Variants in DNAH7 observed in about 807,000 individuals in gnomAD.
DNAH7 encodes dynein axonemal heavy chain 7, also known as axonemal beta dynein heavy chain 7.
A neutral mutation model predicts 444.6 loss-of-function variants in DNAH7; 397 were observed. That is an observed-to-expected ratio of 0.89 (90% CI 0.82 to 0.97). The LOEUF (loss-of-function observed/expected upper bound fraction) is 0.97. Ranked by LOEUF, DNAH7 falls within the 50% of genes least tolerant of loss-of-function variation. The pLI, the probability that DNAH7 is intolerant of heterozygous loss-of-function variation, is 0.00. For missense variants in DNAH7, 4,902 were observed against 4,800.8 expected (o/e 1.02, Z -0.62); for synonymous variants, 1,636 against 1,624.4 (o/e 1.01, Z -0.17).
At chr2:196,005,387 T>C (rs1242015794) in intron 10 of DNAH7, among the ~76,000 whole-genome samples, 1 of 151,374 alleles carries the variant, frequency 6.6e-6, no homozygotes, top group African/African-American at 2.4e-5. Flanking sequence ...CAAAAAAATA[T>C]TGAATAGAAA....
Position 195,936,765 on chromosome 2 carries a change from T to A in DNAH7, c.3106A>T (p.Ile1036Phe), listed in dbSNP as rs1362606681. The A allele has an allele frequency of 2.6e-6, 4 of 1,560,978 alleles. No individual in the cohort carries two copies. In the Admixed American group the frequency reaches 8.0e-5, roughly 31 times the overall value. The change falls in exon 20 of 65, where the codon ATT (isoleucine) becomes TTT (phenylalanine). Residue 1036 changes from isoleucine to phenylalanine, a missense_variant. Transcript: ENST00000312428. ...QDKHVLTVVT[I>F]DRMLERLKKS... Reference sequence around the variant, plus strand: ...TTCAGCCTTTCCAGCATTCTGTCAATGGTTACAACTGTCAGAACATGTTTA... The same window carrying A: ...TTCAGCCTTTCCAGCATTCTGTCAAAGGTTACAACTGTCAGAACATGTTTA...
chr2:195,869,131 G>A (rs1203083579), intron 40 of DNAH7, among the ~76,000 whole-genome samples: 1 of 151,892 alleles, frequency 6.6e-6, no homozygotes, highest in African/African-American at 2.4e-5. Flanking sequence ...AGAAAAGGGG[G>A]AAACAGGGAC....
intron 12 of DNAH7, chr2:195,995,493 G>T: frequency 5.9e-6 from 2 of 338,010 alleles, no homozygotes; most frequent in South Asian, 5.0e-5. Context: ...GAAACCATCT[G>T]AGAGGTACTG....
intron 1 of DNAH7, chr2:196,068,474 G>A: frequency 1.7e-6 from 1 of 605,430 alleles, no homozygotes; most frequent in Non-Finnish European, 2.8e-6. Context: ...TAGGCGGCTA[G>A]GTTTGGTTGT....
chr2:195,868,409 C>T (rs1700482536), intron 40 of DNAH7, among the ~76,000 whole-genome samples: 1 of 151,726 alleles, frequency 6.6e-6, no homozygotes, highest in South Asian at 2.1e-4. Context: ...TTATTACAGC[C>T]ATCCTATTGA....
rs1443708094 is a variant in DNAH7, at chr2:195,771,847, A to T, written c.11246T>A (p.Val3749Glu). The T allele has an allele frequency of 1.9e-6, 3 of 1,614,062 alleles. No individual in the cohort carries two copies. The highest frequency in any genetic ancestry group is 4.5e-5 in the East Asian group (2 of 44,890). ...GAGAKSSDEVVNEVASDILGK... is the reference protein window; with the variant it reads ...GAGAKSSDEVENEVASDILGK... ...CAAGATGTCACTAGCGACCTCATTC[A>T]CTACTTCATCTGATGATTTTGCACC... The change falls in exon 61 of 65, where the codon GTG (valine) becomes GAG (glutamate). Residue 3749 changes from valine (V) to glutamate (E), a missense_variant. Val to Glu is a moderately radical substitution (Grantham distance 121). Transcript: ENST00000312428.
intron 19 of DNAH7, among the ~76,000 whole-genome samples, chr2:195,941,661 A>G (rs571693487): frequency 2.7e-4 from 41 of 152,242 alleles, no homozygotes; most frequent in African/African-American, 9.6e-4. Flanking sequence ...AATTTCTGGG[A>G]GCATAAATTT....
intron 24 of DNAH7, among the ~76,000 whole-genome samples, chr2:195,914,206 C>G (rs1687531355): frequency 6.6e-6 from 1 of 152,208 alleles, no homozygotes; most frequent in Non-Finnish European, 1.5e-5. Context: ...TGTTTAAATA[C>G]AGAAACTCTA....
chr2:195,922,784 A>G (rs866772473), intron 23 of DNAH7, among the ~76,000 whole-genome samples: 1 of 151,992 alleles, frequency 6.6e-6, no homozygotes, highest in Non-Finnish European at 1.5e-5. Context: ...TGCATTCCCC[A>G]TCATGACTAC....
chr2:195,907,810 C>A (rs748263133), intron 25 of DNAH7, among the ~76,000 whole-genome samples: 2 of 152,074 alleles, frequency 1.3e-5, no homozygotes, highest in African/African-American at 4.8e-5. Flanking sequence ...CCGAACCACA[C>A]TGGATTGTAC....
intron 58 of DNAH7, among the ~76,000 whole-genome samples, chr2:195,780,212 A>C (rs1695306569): frequency 6.6e-6 from 1 of 152,014 alleles, no homozygotes; most frequent in African/African-American, 2.4e-5. Context: ...AATTATTTTT[A>C]ATTTTGATTT....
intron 24 of DNAH7, among the ~76,000 whole-genome samples, chr2:195,917,258 C>T (rs1348425657): frequency 6.6e-6 from 1 of 151,786 alleles, no homozygotes; most frequent in African/African-American, 2.4e-5. Flanking sequence ...CACAAATGCA[C>T]ACTGAGAGAG....
chr2:195,853,765 A>C (rs563733650), intron 45 of DNAH7, among the ~76,000 whole-genome samples: 1 of 152,312 alleles, frequency 6.6e-6, no homozygotes, highest in African/African-American at 2.4e-5. Context: ...TACAAAGAAC[A>C]GCTGTATTTA....
intron 15 of DNAH7, among the ~76,000 whole-genome samples, chr2:195,981,923 C>T (rs1692601493): frequency 6.6e-6 from 1 of 152,100 alleles, no homozygotes. Context: ...TCTTGAGTAA[C>T]ACACCACGAG....
intron 17 of DNAH7, among the ~76,000 whole-genome samples, chr2:195,968,416 G>A (rs974662196): frequency 6.6e-6 from 1 of 152,092 alleles, no homozygotes; most frequent in Non-Finnish European, 1.5e-5. Flanking sequence ...TATGTCATCT[G>A]GGAGATAAGG....
At chr2:195,851,696 G>T (rs1699374525) in intron 46 of DNAH7, among the ~76,000 whole-genome samples, 1 of 152,090 alleles carries the variant, frequency 6.6e-6, no homozygotes, top group African/African-American at 2.4e-5. Flanking sequence ...AGCTCTCCAA[G>T]CACTGGGTAA....
At chr2:195,935,245 T>C (rs922876060) in intron 20 of DNAH7, among the ~76,000 whole-genome samples, 2 of 152,232 alleles carry the variant, frequency 1.3e-5, no homozygotes, top group African/African-American at 4.8e-5. Flanking sequence ...ACTTTACAGT[T>C]TACTAAATCA....
At chr2:195,870,283 G>A (rs1377433322) in intron 40 of DNAH7, among the ~76,000 whole-genome samples, 1 of 152,142 alleles carries the variant, frequency 6.6e-6, no homozygotes, top group Admixed American at 6.5e-5. Flanking sequence ...GATGTTCAAT[G>A]TTATGAAGAA....
chr2:195,854,479 A>G (rs994726678), intron 45 of DNAH7, among the ~76,000 whole-genome samples: 7 of 152,224 alleles, frequency 4.6e-5, no homozygotes, highest in Admixed American at 4.6e-4. Context: ...ATTTGAAAAA[A>G]GCAAATGGTA....
Sources: gnomAD v4.1 joint callset for allele counts (sites outside exome capture counted in the v4.1 genomes callset) on GRCh38, gnomAD v4.1.1 for gene constraint, MANE v1.5 for transcripts, NCBI Gene and HGNC (gene_info 2026-07-23, HGNC 2026-07-21) for gene names.